Variants in VPS41 observed in about 807,000 individuals in gnomAD.
The protein encoded by VPS41 is vacuolar protein sorting-associated protein 41 homolog.
In VPS41, 85 loss-of-function variants were observed where a neutral mutation model predicts 130.9. That is an observed-to-expected ratio of 0.65 (90% CI 0.55 to 0.78). The LOEUF (loss-of-function observed/expected upper bound fraction) is 0.78. VPS41 is among the 30% of genes least tolerant of loss of function. The pLI is 0.00. For missense variants in VPS41, 874 were observed against 1,018.7 expected, an observed-to-expected ratio of 0.86 and a Z score of 1.93; for synonymous variants, 335 against 332.9, an observed-to-expected ratio of 1.01 and a Z score of -0.07.
intron 7 of VPS41, among the ~76,000 whole-genome samples, chr7:38,815,687 T>G (rs115474120): frequency 0.021 from 3,247 of 152,220 alleles, 45 homozygotes; most frequent in African/African-American, 0.043. Context: ...TCTAATCAGC[T>G]AATCTGGCCA....
intron 2 of VPS41, among the ~76,000 whole-genome samples, chr7:38,886,176 G>A (rs1217777418): frequency 1.3e-5 from 2 of 152,008 alleles, no homozygotes; most frequent in African/African-American, 4.8e-5. Flanking sequence ...GCCCACAGAG[G>A]GCAAGCAGAA....
At chr7:38,758,561 C>T in intron 17 of VPS41, 80 bp from the exon 18 acceptor site, 1 of 1,389,354 alleles carries the variant, frequency 7.2e-7, no homozygotes, top group Non-Finnish European at 9.8e-7. Context: ...TACATTTGGT[C>T]CTCCTTCTGT....
intron 4 of VPS41, among the ~76,000 whole-genome samples, chr7:38,848,893 A>G (rs1476644999): frequency 6.6e-6 from 1 of 152,172 alleles, no homozygotes; most frequent in Non-Finnish European, 1.5e-5. Context: ...CACTAATGCA[A>G]TGGGGTCAAG....
chr7:38,902,600 C>T (rs984384626), intron 1 of VPS41, among the ~76,000 whole-genome samples: 3 of 152,182 alleles, frequency 2.0e-5, no homozygotes, highest in Non-Finnish European at 4.4e-5. Context: ...CCACCCCCAC[C>T]ACTCCCAATT....
chr7:38,821,111 T>A (rs1785162269), intron 6 of VPS41, 92 bp downstream of exon 6: 1 of 935,956 alleles, frequency 1.1e-6, no homozygotes, highest in African/African-American at 1.6e-5. Context: ...CTGACAAAAT[T>A]AATACAGAAG....
chr7:38,806,430 T>C (rs1784839338), intron 7 of VPS41, among the ~76,000 whole-genome samples: 1 of 152,214 alleles, frequency 6.6e-6, no homozygotes, highest in Non-Finnish European at 1.5e-5. Flanking sequence ...TAGAATATTA[T>C]GCAACTATTC....
chr7:38,835,039 TATAC>T (rs1372652244), intron 4 of VPS41, among the ~76,000 whole-genome samples: 1 of 152,002 alleles, frequency 6.6e-6, no homozygotes, highest in African/African-American at 2.4e-5. Flanking sequence ...CTATGAGTTT[TATAC>T]ATACATCATT....
rs1795971292 is a variant in VPS41, at chr7:38,745,605, C to T, written c.1935G>A (p.Glu645=). 1 of 1,602,832 alleles carries T rather than the reference C, an allele frequency of 6.2e-7. No individual in the cohort carries two copies. The highest frequency in any genetic ancestry group is 1.4e-5 in the African/African-American group (1 of 73,992). ...STHCPLEKAL[E]ICQQRNFVEE... ...CTACAAAGTTTCTCTGTTGACAGAT[C>T]TCAAGAGCCTTCAATTAAAGCAGGG... The change falls in exon 23 of 29, where the codon GAG becomes GAA. Residue 645 remains glutamate, a synonymous_variant. Transcript: ENST00000310301.
intron 7 of VPS41, among the ~76,000 whole-genome samples, chr7:38,815,959 C>T (rs879928721): frequency 1.3e-5 from 2 of 151,952 alleles, no homozygotes; most frequent in African/African-American, 2.4e-5. Context: ...TATACACACA[C>T]ACACATCTAT....
chr7:38,752,365 C>T (rs769189243), intron 21 of VPS41, 52 bp from the exon 22 acceptor site: 2 of 1,606,552 alleles, frequency 1.2e-6, no homozygotes, highest in Admixed American at 1.7e-5. Context: ...AAAAGCAATA[C>T]CTGGCTAACA....
chr7:38,770,638 G>A (rs887599638), intron 14 of VPS41, among the ~76,000 whole-genome samples: 4 of 152,110 alleles, frequency 2.6e-5, no homozygotes, highest in African/African-American at 4.8e-5. Flanking sequence ...AAGGGAACTC[G>A]GCTAGATGGT....
intron 2 of VPS41, among the ~76,000 whole-genome samples, chr7:38,887,204 C>T (rs1197718801): frequency 2.6e-5 from 4 of 152,142 alleles, no homozygotes; most frequent in Admixed American, 2.6e-4. Context: ...AAGTAGGCTT[C>T]AAAGGCCGGT....
At chr7:38,735,980 T>C (rs1245067923) in intron 25 of VPS41, among the ~76,000 whole-genome samples, 1 of 152,124 alleles carries the variant, frequency 6.6e-6, no homozygotes, top group Non-Finnish European at 1.5e-5. Context: ...TAAATAAATG[T>C]CATTTTTGAG....
rs943740786 is a variant in VPS41, at chr7:38,774,741, C to T, written c.883-497G>A. On this transcript the variant is annotated intron_variant, in intron 11 of 28. Coordinates refer to ENST00000310301, the MANE Select transcript of VPS41 (RefSeq NM_014396.4). ...CAATGTGAATCTCATTTTATACTTT[C>T]GTTCCCTGGCCAAACAGCCCTTGCC... Among the ~76,000 whole-genome samples, 107 of 152,230 alleles carry T rather than the reference C, an allele frequency of 7.0e-4. 1 individual carries two copies. Among genetic ancestry groups the T allele is most frequent in the Admixed American group, 6.3e-3 (96 of 15,296 alleles).
chr7:38,821,500 G>A (rs1250804519), intron 5 of VPS41, among the ~76,000 whole-genome samples: 1 of 152,152 alleles, frequency 6.6e-6, no homozygotes, highest in East Asian at 1.9e-4. Context: ...CCTAAGGTCA[G>A]GAGTTGAAGA....
chr7:38,867,683 TAAGA>T (rs1472681502), intron 3 of VPS41, among the ~76,000 whole-genome samples: 3 of 152,186 alleles, frequency 2.0e-5, no homozygotes, highest in Admixed American at 6.5e-5. Context: ...CATCATCCTC[TAAGA>T]AAGAAGGGAC....
intron 9 of VPS41, 28 bp from the exon 10 acceptor site, chr7:38,789,895 A>T: frequency 6.2e-7 from 1 of 1,611,160 alleles, no homozygotes; most frequent in Non-Finnish European, 8.5e-7. Context: ...AGGTTATTTT[A>T]TTCATTTGAT....
In VPS41 at chr7:38,774,211, T is replaced by C. The variant is rs1486495821; in HGVS notation, c.916A>G (p.Ile306Val). ...REYCARPRLDIIQPLSETCEE... is the reference protein window; with the variant it reads ...REYCARPRLDVIQPLSETCEE... ...CAAGTCTCAGAAAGTGGCTGGATGA[T>C]GTCCAGTCTAGGCCTGGCACAGTAT... Residue 306 changes from isoleucine to valine, a missense_variant, in exon 12 of 29, where the codon ATC becomes GTC. By Grantham distance (29) the Ile-to-Val change is conservative. Transcript: ENST00000310301. 3 of 1,609,788 alleles carry C rather than the reference T, an allele frequency of 1.9e-6. No individual in the cohort carries two copies. The highest frequency in any genetic ancestry group is 3.3e-5 in the Admixed American group (2 of 59,948).
intron 17 of VPS41, among the ~76,000 whole-genome samples, chr7:38,759,618 C>T (rs984597424): frequency 6.6e-6 from 1 of 152,124 alleles, no homozygotes; most frequent in Non-Finnish European, 1.5e-5. Context: ...TACTTCTGTC[C>T]TTAGTTTTAC....
Sources: allele counts gnomAD v4.1 joint callset (sites outside exome capture counted in the v4.1 genomes callset), GRCh38; gene constraint gnomAD v4.1.1; transcripts MANE v1.5; gene names NCBI Gene and HGNC (gene_info 2026-07-23, HGNC 2026-07-21).